Variants in UTP11 observed in about 807,000 individuals in gnomAD.
UTP11 encodes the protein UTP11 small subunit processome component, also known as probable U3 small nucleolar RNA-associated protein 11.
Under a neutral mutation model 39.0 loss-of-function variants are expected in UTP11, and 29 were observed. That is an observed-to-expected ratio of 0.74 (90% CI 0.55 to 1.01). The LOEUF is 1.01. UTP11 is among the 50% of genes least tolerant of loss of function. The pLI is 0.00. For synonymous variants in UTP11, 111 were observed against 105.0 expected (o/e 1.06, Z -0.35); for missense variants, 281 against 306.0 (o/e 0.92, Z 0.61).
At chr1:38,012,917 C>T (rs1371863809) in intron 1 of UTP11, 52 bp downstream of exon 1, 1 of 1,610,800 alleles carries the variant, frequency 6.2e-7, no homozygotes. Context: ...ATGTGTTACC[C>T]TTGCCCCAAC....
At chr1:38,014,048 T>C (rs1224996362) in intron 1 of UTP11, among the ~76,000 whole-genome samples, 1 of 152,250 alleles carries the variant, frequency 6.6e-6, no homozygotes, top group Non-Finnish European at 1.5e-5. Flanking sequence ...TACTATATGC[T>C]AGGCACAGCC....
chr1:38,015,882 A>G (rs1039042574), intron 1 of UTP11, among the ~76,000 whole-genome samples: 2 of 152,240 alleles, frequency 1.3e-5, no homozygotes, highest in African/African-American at 2.4e-5. Context: ...CAGTCAGGAA[A>G]TAGCAGCTCA....
Position 38,012,815 on chromosome 1 carries a change from T to C in UTP11, c.13T>C (p.Phe5Leu). The change falls in exon 1 of 8, where the codon TTT becomes CTT. Residue 5 changes from phenylalanine to leucine, a missense_variant. Coordinates refer to ENST00000373014, the MANE Select transcript of UTP11 (RefSeq NM_016037.4). The stretch of plus-strand genomic sequence containing the variant: ...AGGCTGTACAGACATGGCGGCGGCT[T>C]TTCGGAAGGCGGCTAAGTCCCGGCA... MAAA[F>L]RKAAKSRQRE... is the part of the protein sequence containing the mutation. The C allele has an allele frequency of 1.9e-6, 3 of 1,614,190 alleles. No homozygotes were observed. The highest frequency in any genetic ancestry group is 2.5e-6 in the Non-Finnish European group (3 of 1,180,028).
At chr1:38,019,033 A>G (rs1269063770) in intron 4 of UTP11, 26 bp from the exon 5 acceptor site, 1 of 1,582,254 alleles carries the variant, frequency 6.3e-7, no homozygotes, top group African/African-American at 1.4e-5. Context: ...ATCTAATATA[A>G]AGTGAGACCA....
chr1:38,016,806 G>A, intron 2 of UTP11: 1 of 206,004 alleles, frequency 4.9e-6, no homozygotes, highest in Non-Finnish European at 1.0e-5. Flanking sequence ...GTGTGATGTG[G>A]AATGAAGAGA....
chr1:38,022,803 T>C lies in UTP11; in HGVS notation c.672T>C (p.Asp224=). Residue 224 remains aspartate, a synonymous_variant, in exon 7 of 8, where the codon GAT becomes GAC. Coordinates refer to ENST00000373014, the MANE Select transcript of UTP11 (RefSeq NM_016037.4). Reference sequence around the variant, plus strand: ...CTCAGAAAATTCAAACACGCAAAGATCTTATGGTGAGGAGAGAGAGCCTTA... The same window carrying C: ...CTCAGAAAATTCAAACACGCAAAGACCTTATGGTGAGGAGAGAGAGCCTTA... ...VIAQKIQTRK[D]LMDKTQKVKV... is the part of the protein sequence containing the mutation. The C allele has an allele frequency of 1.9e-6, 3 of 1,611,564 alleles. No homozygotes were observed.
Position 38,022,707 on chromosome 1 carries a change from T to C in UTP11, c.576T>C (p.Ala192=), listed in dbSNP as rs748005467. 15 of 1,613,202 alleles carry C rather than the reference T, an allele frequency of 9.3e-6. No individual in the cohort carries two copies. The highest frequency in any genetic ancestry group is 1.7e-4 in the Middle Eastern group (1 of 6,060). Reference sequence around the variant, plus strand: ...GTGTGTTTCTTCTCCAGCGAATAGCTAAAGAAAGGCAAAAGCAGTATAACT... The same window carrying C: ...GTGTGTTTCTTCTCCAGCGAATAGCCAAAGAAAGGCAAAAGCAGTATAACT... ...VTNQTGLKRI[A]KERQKQYNCL... The change falls in exon 7 of 8, where the codon GCT becomes GCC. Residue 192 remains alanine, a synonymous_variant. Transcript: ENST00000373014.
Position 38,012,777 on chromosome 1 carries a change from C to G in UTP11, c.-26C>G, listed in dbSNP as rs1264825263. The G allele has an allele frequency of 3.7e-6, 6 of 1,614,172 alleles. No individual in the cohort carries two copies. The highest frequency in any genetic ancestry group is 5.1e-6 in the Non-Finnish European group (6 of 1,179,992). On this transcript the variant is annotated 5_prime_UTR_variant, in exon 1 of 8. Coordinates refer to ENST00000373014, the MANE Select transcript of UTP11 (RefSeq NM_016037.4). ...GGCAGTGCGGATCCGGCGTTCTCCA[C>G]TGATCTTTTCCAAGGCTGTACAGAC...
chr1:38,016,338 G>A (rs1022614895), intron 1 of UTP11, 21 bp from the exon 2 acceptor site: 9 of 1,613,780 alleles, frequency 5.6e-6, no homozygotes, highest in Non-Finnish European at 7.6e-6. Flanking sequence ...AAGCACTGTT[G>A]TTCTTTCTTT....
At chr1:38,022,524 C>G (rs147086853) in intron 6 of UTP11, among the ~76,000 whole-genome samples, 175 bp from the exon 7 acceptor site, 93 of 152,172 alleles carry the variant, frequency 6.1e-4, no homozygotes, top group African/African-American at 2.1e-3. Context: ...CCTTTCAGCT[C>G]CAGAATGTGA....
At chr1:38,013,769 C>T (rs992941211) in intron 1 of UTP11, among the ~76,000 whole-genome samples, 1 of 152,094 alleles carries the variant, frequency 6.6e-6, no homozygotes, top group Admixed American at 6.5e-5. Context: ...GGTTGGAGTG[C>T]AGTGGCACGA....
At chr1:38,016,468 C>T in intron 2 of UTP11, 48 bp downstream of exon 2, 13 of 1,590,850 alleles carry the variant, frequency 8.2e-6, no homozygotes, top group Non-Finnish European at 1.1e-5. Flanking sequence ...AGCTTACAAC[C>T]TCCTTGCACT....
chr1:38,020,740 G>T (rs916468240), intron 6 of UTP11, among the ~76,000 whole-genome samples: 3 of 152,142 alleles, frequency 2.0e-5, no homozygotes, highest in Admixed American at 1.3e-4. Context: ...CCATAAATCT[G>T]ACAGTCTGTG....
rs962176091 is a variant in UTP11 at position 38,023,566 on chromosome 1, G to A, written c.700G>A (p.Val234Met). ...GTAGGATAAAACTCAGAAAGTGAAG[G>A]TGAAGAAAGAAACGGTGAACTCCCC... Reference protein sequence around the residue: ...DLMDKTQKVKVKKETVNSPAI... With the variant: ...DLMDKTQKVKMKKETVNSPAI... The change falls in exon 8 of 8, where the codon GTG (valine) becomes ATG (methionine). Residue 234 changes from valine to methionine, a missense_variant. Val to Met is a conservative substitution (Grantham distance 21). Coordinates refer to ENST00000373014, the MANE Select transcript of UTP11 (RefSeq NM_016037.4). The A allele has an allele frequency of 1.9e-6, 3 of 1,611,098 alleles. No homozygotes were observed. The highest frequency in any genetic ancestry group is 8.5e-7 in the Non-Finnish European group (1 of 1,178,830).
chr1:38,016,209 G>T lies in UTP11; in HGVS notation c.64-150G>T, dbSNP rs558350615. The T allele has an allele frequency of 2.0e-4, 146 of 742,270 alleles. 3 individuals are homozygous for T. The highest frequency in any genetic ancestry group is 1.9e-3 in the South Asian group (116 of 61,510). 46.0% of individuals were successfully genotyped at this position (742,270 alleles called of 1,614,324 possible). On this transcript the variant is annotated intron_variant, in intron 1 of 7. Transcript: ENST00000373014. ...CATCCTTGGGCAGAGCCCAGTTGTGGGGAGGGGAGGGAACAGGGTCATGGG... is the reference window on the plus strand; with the variant it reads ...CATCCTTGGGCAGAGCCCAGTTGTGTGGAGGGGAGGGAACAGGGTCATGGG...
chr1:38,021,460 C>G (rs1409832971), intron 6 of UTP11, among the ~76,000 whole-genome samples: 2 of 152,176 alleles, frequency 1.3e-5, no homozygotes, highest in Admixed American at 6.5e-5. Flanking sequence ...GATATTTTGT[C>G]TGTAACTTCG....
intron 4 of UTP11, 50 bp downstream of exon 4, chr1:38,018,627 T>A: frequency 1.5e-6 from 2 of 1,337,752 alleles, no homozygotes; most frequent in Non-Finnish European, 2.1e-6. Flanking sequence ...AAGGGAAACT[T>A]AAATTCATCA....
At chr1:38,023,085 C>T (rs569810324) in intron 7 of UTP11, among the ~76,000 whole-genome samples, 4 of 152,184 alleles carry the variant, frequency 2.6e-5, no homozygotes, top group African/African-American at 4.8e-5. Flanking sequence ...GAGCAGCTCC[C>T]GTAACATTTA....
rs1295980918 is a variant in UTP11, at chr1:38,016,568, T to G, written c.125+148T>G. 12 of 743,768 alleles carry G rather than the reference T, an allele frequency of 1.6e-5. No individual in the cohort carries two copies. The South Asian group carries it at 1.9e-4, about 12-fold the overall frequency. 46.1% of individuals were successfully genotyped at this position (743,768 alleles called of 1,614,324 possible). ...TCTGGCAGCCTGTCAGATAATTTTT[T>G]CTGTGATCCTAAATTTCTCTCTTTG... is the stretch of plus-strand genomic sequence containing the variant. On this transcript the variant is annotated intron_variant, in intron 2 of 7. Coordinates refer to ENST00000373014, the MANE Select transcript of UTP11 (RefSeq NM_016037.4).
Sources: gnomAD v4.1 joint callset for allele counts (sites outside exome capture counted in the v4.1 genomes callset) on GRCh38, gnomAD v4.1.1 for gene constraint, MANE v1.5 for transcripts, NCBI Gene and HGNC (gene_info 2026-07-23, HGNC 2026-07-21) for gene names.